The following SLMAP variants were observed in gnomAD, a reference collection of about 807,000 sequenced individuals.
The protein encoded by SLMAP is sarcolemma associated protein.
Under a neutral mutation model 128.8 loss-of-function variants are expected in SLMAP, and 44 were observed. The ratio of observed to expected loss-of-function variants is 0.34; its 90% CI spans 0.27 to 0.44. The LOEUF (loss-of-function observed/expected upper bound fraction) is 0.44, where lower values mean the gene tolerates loss of function less well. Among genes scored for constraint, SLMAP ranks in the 20% least tolerant of loss-of-function variants. The pLI is 1.00. For synonymous variants in SLMAP, 327 were observed against 348.8 expected, an observed-to-expected ratio of 0.94 and a Z score of 0.70; for missense variants, 787 against 985.3, an observed-to-expected ratio of 0.80 and a Z score of 2.69.
chr3:57,778,095 C>T (rs991818230), intron 2 of SLMAP, among the ~76,000 whole-genome samples: 2 of 152,080 alleles, frequency 1.3e-5, no homozygotes, highest in Non-Finnish European at 2.9e-5. Flanking sequence ...TGAGAATTTA[C>T]CAAAGGAAGC....
chr3:57,869,630 T>TTATATATATATATATATTATATATA (rs1553900187), intron 13 of SLMAP, among the ~76,000 whole-genome samples: 1 of 75,474 alleles, frequency 1.3e-5, no homozygotes, highest in Non-Finnish European at 2.5e-5. Context: ...CCCATCTCTA[T>TTATATATATATATATATTATATATA]TATATATATA....
chr3:57,793,022 CCA>C (rs2085874479), intron 2 of SLMAP, among the ~76,000 whole-genome samples: 1 of 152,038 alleles, frequency 6.6e-6, no homozygotes, highest in Admixed American at 6.6e-5. Context: ...ACCTGTGGTC[CCA>C]GCAACTTGGG....
intron 2 of SLMAP, among the ~76,000 whole-genome samples, chr3:57,774,508 CAATTAT>C (rs1252346503): frequency 1.4e-5 from 1 of 72,866 alleles, no homozygotes; most frequent in Non-Finnish European, 2.8e-5. Context: ...CTTTAATAGA[CAATTAT>C]TATTATTATT....
chr3:57,883,148 A>G (rs971204329), intron 14 of SLMAP, among the ~76,000 whole-genome samples: 2 of 152,218 alleles, frequency 1.3e-5, no homozygotes, highest in Admixed American at 6.5e-5. Context: ...AGGTAGACAT[A>G]ATGAATAGTT....
At chr3:57,903,416 G>A (rs111227528) in intron 17 of SLMAP, among the ~76,000 whole-genome samples, 22 of 152,334 alleles carry the variant, frequency 1.4e-4, no homozygotes, top group African/African-American at 5.0e-4. Context: ...CATGCCATAT[G>A]TTATGGCTAG....
chr3:57,795,741 C>T (rs528762228), intron 2 of SLMAP, among the ~76,000 whole-genome samples: 36 of 152,074 alleles, frequency 2.4e-4, no homozygotes, highest in Admixed American at 2.6e-4. Context: ...TAAGTACATT[C>T]ACAGTGTTGT....
chr3:57,852,736 A>G (rs2094552280), intron 6 of SLMAP, among the ~76,000 whole-genome samples: 1 of 152,198 alleles, frequency 6.6e-6, no homozygotes, highest in Non-Finnish European at 1.5e-5. Context: ...AGGTTAAATT[A>G]TTTGCCCAGG....
At chr3:57,764,768 G>C (rs1468554392) in intron 2 of SLMAP, among the ~76,000 whole-genome samples, 1 of 152,114 alleles carries the variant, frequency 6.6e-6, no homozygotes, top group Non-Finnish European at 1.5e-5. Flanking sequence ...GCTATTAAAT[G>C]GTAGAATTGA....
At chr3:57,807,650 G>A (rs1158881253) in intron 2 of SLMAP, among the ~76,000 whole-genome samples, 1 of 152,184 alleles carries the variant, frequency 6.6e-6, no homozygotes, top group Non-Finnish European at 1.5e-5. Flanking sequence ...CAACTTGATC[G>A]TGGTGCATAA....
At chr3:57,893,202 G>C (rs1318393485) in intron 15 of SLMAP, among the ~76,000 whole-genome samples, 1 of 151,962 alleles carries the variant, frequency 6.6e-6, no homozygotes, top group Admixed American at 6.6e-5. Context: ...CTGTGCACTG[G>C]GAATATAGCA....
At chr3:57,823,682 G>T (rs1395004491) in intron 2 of SLMAP, among the ~76,000 whole-genome samples, 1 of 152,140 alleles carries the variant, frequency 6.6e-6, no homozygotes, top group Non-Finnish European at 1.5e-5. Flanking sequence ...GTAAACATAC[G>T]TGTGCATGTG....
At chr3:57,917,359 T>C (rs1314276546) in intron 22 of SLMAP, 1 of 582,862 alleles carries the variant, frequency 1.7e-6, no homozygotes, top group Non-Finnish European at 2.6e-6. Context: ...CCAGGTCTCT[T>C]GATCTATTGT....
At chr3:57,813,540 T>TG (rs903638263) in intron 2 of SLMAP, among the ~76,000 whole-genome samples, 1 of 152,112 alleles carries the variant, frequency 6.6e-6, no homozygotes, top group Non-Finnish European at 1.5e-5. Context: ...GGAAAATATT[T>TG]GGGGGAAAAA....
At chr3:57,900,182 T>G (rs1272364979) in intron 17 of SLMAP, 1 of 152,052 alleles carries the variant, frequency 6.6e-6, no homozygotes, top group Admixed American at 6.6e-5. Flanking sequence ...TATTTTCAAG[T>G]TTTTTTTCCC....
intron 2 of SLMAP, among the ~76,000 whole-genome samples, chr3:57,823,155 C>T (rs1328716313): frequency 1.3e-5 from 2 of 152,076 alleles, no homozygotes; most frequent in African/African-American, 2.4e-5. Flanking sequence ...TGGGGAAATG[C>T]GGACATTGGA....
At chr3:57,778,726 C>T (rs927938105) in intron 2 of SLMAP, among the ~76,000 whole-genome samples, 1 of 151,838 alleles carries the variant, frequency 6.6e-6, no homozygotes, top group Non-Finnish European at 1.5e-5. Context: ...CAGGTGCATG[C>T]CACCATGCCT....
At chr3:57,837,951 T>C (rs1355011718) in intron 3 of SLMAP, among the ~76,000 whole-genome samples, 3 of 152,216 alleles carry the variant, frequency 2.0e-5, no homozygotes, top group Admixed American at 2.0e-4. Context: ...ATTTTTGTTT[T>C]TGTTTTTTAA....
intron 13 of SLMAP, among the ~76,000 whole-genome samples, chr3:57,869,357 T>TA (rs2095412493): frequency 1.3e-5 from 2 of 151,258 alleles, no homozygotes; most frequent in African/African-American, 4.8e-5. Flanking sequence ...ACTCAAATGT[T>TA]AATCTCCTTT....
At chr3:57,922,812 G>A (rs188272371) in intron 22 of SLMAP, 77 bp from the exon 23 acceptor site, 79 of 1,369,460 alleles carry the variant, frequency 5.8e-5, no homozygotes, top group South Asian at 3.0e-4. Flanking sequence ...AGGATCTGGC[G>A]TATAAACCTG....
Sources: gnomAD v4.1 joint callset for allele counts (sites outside exome capture counted in the v4.1 genomes callset) on GRCh38, gnomAD v4.1.1 for gene constraint, MANE v1.5 for transcripts, NCBI Gene and HGNC (gene_info 2026-07-23, HGNC 2026-07-21) for gene names.